ATP12A: variants seen among roughly 807,000 people sequenced by gnomAD.
The protein encoded by ATP12A is ATPase H+/K+ transporting non-gastric alpha2 subunit.
In ATP12A, 81 loss-of-function variants were observed where a neutral mutation model predicts 111.2. The observed-to-expected ratio is 0.73, with a 90% CI of 0.61 to 0.88. The LOEUF (loss-of-function observed/expected upper bound fraction) is 0.88. ATP12A is among the 40% of genes least tolerant of loss of function. The probability of loss-of-function intolerance (pLI) is 0.00; values close to 1 mark genes in which losing one functional copy is unlikely to be tolerated. For missense variants in ATP12A, 1,196 were observed against 1,313.1 expected (o/e 0.91, Z 1.38); for synonymous variants, 498 against 499.8 (o/e 1.00, Z 0.05).
chr13:24,690,565 A>G (rs1254302318), intron 6 of ATP12A, 39 bp from the exon 7 acceptor site: 1 of 1,602,556 alleles, frequency 6.2e-7, no homozygotes, highest in Admixed American at 1.7e-5. Flanking sequence ...GCAGGGAATG[A>G]GGTACCCAGC....
In ATP12A at chr13:24,693,312, G is replaced by A. The variant is rs528043472; in HGVS notation, c.1377+416G>A. Among the ~76,000 whole-genome samples the A allele has an allele frequency of 9.2e-5, 14 of 152,032 alleles. No homozygotes were observed. The East Asian group carries it at 1.2e-3, about 13-fold the overall frequency. On this transcript the variant is annotated intron_variant, in intron 10 of 22. Coordinates refer to ENST00000381946, the MANE Select transcript of ATP12A (RefSeq NM_001676.7). ...AAGCTCTAAGGGGTCCTGGAATATC[G>A]GAACATACAATAAACTCTCCCCCTC...
In ATP12A at chr13:24,691,318, C is replaced by T. The variant is rs1223006696; in HGVS notation, c.1068+68C>T. The T allele has an allele frequency of 3.3e-6, 5 of 1,514,556 alleles. No individual in the cohort carries two copies. The African/African-American group carries it at 4.1e-5, about 13-fold the overall frequency. 93.8% of individuals were successfully genotyped at this position (1,514,556 alleles called of 1,614,324 possible). A position where few individuals can be genotyped will look rare whatever the true frequency, so the allele number is the denominator to read the frequency against. On this transcript the variant is annotated intron_variant, in intron 8 of 22. Transcript: ENST00000381946. ...CACAGCACTGGTGCTGGGGAGGCGC[C>T]CACACAAACTGCAATCTCCCCCAAG...
chr13:24,685,387 AC>A lies in ATP12A; in HGVS notation c.228+16del, dbSNP rs752801510. On this transcript the variant is annotated intron_variant, in intron 3 of 22. Transcript: ENST00000381946. This position sits in a 1 kb window ranked among gnomAD's most constrained non-coding sequence, Gnocchi z 5.5. ...GACATCATTATGGTGAGTCGTGGGA[AC>A]CAGGGATTTGGAAGAGAAGCCTCCC... is the stretch of plus-strand genomic sequence containing the variant. 2.4e-5 allele frequency: 39 copies of A among 1,613,414 alleles called. No individual in the cohort carries two copies. Among genetic ancestry groups the A allele is most frequent in the Non-Finnish European group, 3.2e-5 (38 of 1,179,334 alleles).
chr13:24,709,272 AGCCAGTGCC>A, intron 17 of ATP12A, 83 bp from the exon 18 acceptor site: 1 of 57,540 alleles, frequency 1.7e-5, no homozygotes, highest in Non-Finnish European at 3.5e-5. Flanking sequence ...CACCCCATCC[AGCCAGTGCC>A]CCACCCACCC....
Position 24,698,765 on chromosome 13 carries a change from C to T in ATP12A, c.1620C>T (p.Gly540=). The change falls in exon 12 of 23, where the codon GGC becomes GGT. Residue 540 remains glycine, a synonymous_variant. Coordinates refer to ENST00000381946, the MANE Select transcript of ATP12A (RefSeq NM_001676.7). The part of the protein sequence containing the change: ...LEKCSTIMIN[G]EEHPLDKSTA... ...AATGCAGCACCATCATGATCAACGG[C>T]GAGGAGCACCCACTGGACAAGAGCA... The T allele has an allele frequency of 1.2e-6, 2 of 1,614,026 alleles. No individual in the cohort carries two copies. The highest frequency in any genetic ancestry group is 1.1e-5 in the South Asian group (1 of 91,078).
chr13:24,688,219 A>G (rs1874738193), intron 3 of ATP12A, 100 bp from the exon 4 acceptor site: 2 of 1,367,708 alleles, frequency 1.5e-6, no homozygotes, highest in African/African-American at 2.9e-5. Context: ...TTAATGCCTC[A>G]CCCCAAGCTG....
Position 24,711,519 on chromosome 13 carries a change from T to G in ATP12A, c.3117T>G (p.Tyr1039Ter). Residue 1039 changes from tyrosine (Y) to a stop codon, truncating the protein, a stop_gained, in exon 23 of 23, where the codon TAT becomes TAG. Coordinates refer to ENST00000381946, the MANE Select transcript of ATP12A (RefSeq NM_001676.7). LOFTEE classifies it high-confidence loss of function. ...GCTGGTGGGATAAGAACATGTATTA[T>G]TAAGACCACCTCCCTTCCTATGTCT... is the stretch of plus-strand genomic sequence containing the variant. ...PGSWWDKNMY[Y>*] 6.2e-7 allele frequency: 1 copy of G among 1,614,188 alleles called. No individual in the cohort carries two copies. Among genetic ancestry groups the G allele is most frequent in the Non-Finnish European group, 8.5e-7 (1 of 1,180,034 alleles).
In ATP12A at chr13:24,708,941, G is replaced by GA. The variant is rs1410540223; in HGVS notation, c.2494-420dup. On this transcript the variant is annotated intron_variant, in intron 17 of 22. Transcript: ENST00000381946. ...AGAAAGAAAGAAAGAAAGAAAGAAA[G>GA]AAAGAAAGAAAGAAAGAAAGAAGGA... Among the ~76,000 whole-genome samples, 676 of 143,848 alleles carry GA rather than the reference G, an allele frequency of 4.7e-3. 12 individuals are homozygous for GA. The highest frequency in any genetic ancestry group is 8.2e-3 in the Non-Finnish European group (544 of 66,378). The allele number at this position is 143,848 out of a possible 152,430, so 94.4% of individuals were successfully genotyped here.
intron 17 of ATP12A, among the ~76,000 whole-genome samples, chr13:24,708,946 A>AAAGAGAAAGG: frequency 1.0e-5 from 1 of 100,338 alleles, no homozygotes; most frequent in Non-Finnish European, 2.4e-5. Context: ...AGAAAGAAAG[A>AAAGAGAAAGG]AAGAAAGAAA....
intron 14 of ATP12A, 90 bp from the exon 15 acceptor site, chr13:24,706,223 A>G: frequency 6.5e-7 from 1 of 1,528,044 alleles, no homozygotes; most frequent in Non-Finnish European, 8.8e-7. Context: ...AGGTCAAGTC[A>G]GAGAGGCTTC....
At chr13:24,693,114 G>A (rs144196547) in intron 10 of ATP12A, among the ~76,000 whole-genome samples, 44 of 152,302 alleles carry the variant, frequency 2.9e-4, no homozygotes, top group African/African-American at 5.5e-4. Context: ...TTGCTTTAGC[G>A]TCTTCAGAAA....
intron 2 of ATP12A, among the ~76,000 whole-genome samples, chr13:24,683,750 T>C (rs1306485710): frequency 6.6e-6 from 1 of 152,192 alleles, no homozygotes; most frequent in African/African-American, 2.4e-5. Context: ...GAAGATTAAA[T>C]GAGATAAAAC....
intron 14 of ATP12A, among the ~76,000 whole-genome samples, chr13:24,705,424 A>G (rs1593142579): frequency 6.6e-6 from 1 of 152,200 alleles, no homozygotes; most frequent in Non-Finnish European, 1.5e-5. Flanking sequence ...AAGCCCCTGA[A>G]GAGTTTTAGC....
intron 12 of ATP12A, among the ~76,000 whole-genome samples, chr13:24,700,207 G>A (rs1043684614): frequency 5.3e-5 from 8 of 152,062 alleles, no homozygotes; most frequent in African/African-American, 1.9e-4. Flanking sequence ...CTTTCTCTTG[G>A]GCTTATCTTG....
chr13:24,686,897 G>A (rs1273256118), intron 3 of ATP12A, among the ~76,000 whole-genome samples: 1 of 152,086 alleles, frequency 6.6e-6, no homozygotes, highest in Admixed American at 6.5e-5. Flanking sequence ...GTCGGGTGAT[G>A]GGCTGGGGTG....
Position 24,706,304 on chromosome 13 carries a change from C to A in ATP12A, c.2019-9C>A, listed in dbSNP as rs1040395726. 2.5e-6 allele frequency: 4 copies of A among 1,612,782 alleles called. No homozygotes were observed. Among genetic ancestry groups the A allele is most frequent in the South Asian group, 1.1e-5 (1 of 90,848 alleles). ...TTGGGCCTCACCCAGTTTCTTCTGG[C>A]CCTTCTAGGGATGCCAAGGCCGCTG... On this transcript the variant is annotated splice_polypyrimidine_tract_variant and intron_variant, in intron 14 of 22. Coordinates refer to ENST00000381946, the MANE Select transcript of ATP12A (RefSeq NM_001676.7).
Position 24,710,898 on chromosome 13 carries a change from G to A in ATP12A, c.2999+5G>A, listed in dbSNP as rs370446940. ...CTTGAGTTTCACCATGCTTAGGTGA[G>A]TTCACCCTCAACAGCATGGAGGAAA... On this transcript the variant is annotated splice_donor_5th_base_variant and intron_variant, in intron 21 of 22. Transcript: ENST00000381946. 54 of 1,611,836 alleles carry A rather than the reference G, an allele frequency of 3.4e-5. 1 individual carries two copies. In the African/African-American group the frequency reaches 6.3e-4, roughly 19 times the overall value.
chr13:24,700,192 C>T lies in ATP12A; in HGVS notation c.1706-555C>T, dbSNP rs555084011. The stretch of plus-strand genomic sequence containing the variant: ...AAAGGATGGCTCGGCCCCATTCCTG[C>T]TGGCCTTTCTCTTGGGCTTATCTTG... On this transcript the variant is annotated intron_variant, in intron 12 of 22. Transcript: ENST00000381946. 1.0e-3 allele frequency among the ~76,000 whole-genome samples: 156 copies of T among 152,302 alleles called. 2 individuals are homozygous for T. Among genetic ancestry groups the T allele is most frequent in the African/African-American group, 3.6e-3 (148 of 41,560 alleles).
chr13:24,706,674 A>T (rs1357130691), intron 15 of ATP12A, among the ~76,000 whole-genome samples: 2 of 152,100 alleles, frequency 1.3e-5, no homozygotes, highest in African/African-American at 4.8e-5. Context: ...CGAAAGGCTC[A>T]CCCCAGCTCT....
Sources: allele counts gnomAD v4.1 joint callset (sites outside exome capture counted in the v4.1 genomes callset), GRCh38; gene constraint gnomAD v4.1.1; non-coding constraint Gnocchi (gnomAD v3.1); transcripts MANE v1.5; gene names NCBI Gene and HGNC (gene_info 2026-07-23, HGNC 2026-07-21).